Variants in TMEM132D observed in about 807,000 individuals in gnomAD.
TMEM132D encodes the protein transmembrane protein 132D.
TMEM132D carries 21 observed loss-of-function variants against 62.3 expected under a neutral mutation model. The observed-to-expected ratio is 0.34, with a 90% CI of 0.24 to 0.49. The LOEUF (loss-of-function observed/expected upper bound fraction) is 0.49, where lower values mean the gene tolerates loss of function less well. Among genes scored for constraint, TMEM132D ranks in the 20% least tolerant of loss-of-function variants. The pLI, the probability that TMEM132D is intolerant of heterozygous loss-of-function variation, is 0.99. For synonymous variants in TMEM132D, 621 were observed against 575.6 expected (o/e 1.08, Z -1.13); for missense variants, 1,346 against 1,402.8 (o/e 0.96, Z 0.65).
rs530080115 is a variant in TMEM132D at position 129,827,390 on chromosome 12, A to G, written c.79+75871T>C. Among the ~76,000 whole-genome samples the G allele has an allele frequency of 2.9e-4, 44 of 152,292 alleles. No individual in the cohort carries two copies. The highest frequency in any genetic ancestry group is 7.9e-4 in the Admixed American group (12 of 15,286). ...GGCAGAACTCTGGAGCACTGGCTAA[A>G]AACTGTAAGCAGCTGAACCAAAACA... is the stretch of plus-strand genomic sequence containing the variant. On this transcript the variant is annotated intron_variant, in intron 1 of 8. Transcript: ENST00000422113. This position sits in a 1 kb window ranked among gnomAD's most constrained non-coding sequence, Gnocchi z 9.7.
intron 5 of TMEM132D, among the ~76,000 whole-genome samples, chr12:129,177,952 G>A (rs1037788558): frequency 5.9e-5 from 9 of 152,100 alleles, no homozygotes; most frequent in African/African-American, 2.2e-4. Flanking sequence ...GCCCCAGTGT[G>A]TGTTGTTCCC....
At chr12:129,107,247 A>G (rs1334501684) in intron 5 of TMEM132D, among the ~76,000 whole-genome samples, 7 of 152,220 alleles carry the variant, frequency 4.6e-5, no homozygotes, top group Non-Finnish European at 8.8e-5. Context: ...ATCAGATATG[A>G]TATCTCCAAT....
intron 1 of TMEM132D, among the ~76,000 whole-genome samples, chr12:129,806,831 G>T (rs962110749): frequency 6.6e-6 from 1 of 152,106 alleles, no homozygotes; most frequent in East Asian, 1.9e-4. Context: ...TTTGAGACCA[G>T]CCTGGGCAAT....
chr12:129,207,147 A>C (rs776248498), intron 5 of TMEM132D, among the ~76,000 whole-genome samples: 13 of 151,726 alleles, frequency 8.6e-5, no homozygotes, highest in Admixed American at 2.0e-4. Context: ...CAAACAAAAA[A>C]CCCCCCACTA....
chr12:129,209,087 C>T (rs1878945919), intron 5 of TMEM132D: 2 of 171,738 alleles, frequency 1.2e-5, no homozygotes, highest in South Asian at 1.6e-4. Context: ...CACCTTATAC[C>T]ACCATTGATT....
chr12:129,290,412 C>T (rs1881417454), intron 4 of TMEM132D, among the ~76,000 whole-genome samples: 2 of 152,120 alleles, frequency 1.3e-5, no homozygotes, highest in South Asian at 4.1e-4. Flanking sequence ...CTACACTATT[C>T]TAATTAACAC....
chr12:129,821,052 C>T lies in TMEM132D; in HGVS notation c.79+82209G>A, dbSNP rs532191544. Among the ~76,000 whole-genome samples the T allele has an allele frequency of 1.3e-3, 204 of 152,292 alleles. 1 individual carries two copies. Among genetic ancestry groups the T allele is most frequent in the Non-Finnish European group, 2.7e-3 (181 of 68,028 alleles). ...CCTCCTCCTTTCTCCTATATAAACC[C>T]ATTTTAACAATGGATCTGAAATTAG... is the stretch of plus-strand genomic sequence containing the variant. On this transcript the variant is annotated intron_variant, in intron 1 of 8. Coordinates refer to ENST00000422113, the MANE Select transcript of TMEM132D (RefSeq NM_133448.3).
intron 1 of TMEM132D, among the ~76,000 whole-genome samples, chr12:129,884,874 G>T (rs1049843525): frequency 1.3e-5 from 2 of 152,136 alleles, no homozygotes; most frequent in African/African-American, 4.8e-5. Flanking sequence ...AACCACTCTG[G>T]TGTCTTTCAG....
At chr12:129,272,590 G>A (rs549081215) in intron 4 of TMEM132D, among the ~76,000 whole-genome samples, 11 of 151,750 alleles carry the variant, frequency 7.2e-5, no homozygotes, top group South Asian at 2.1e-4. Context: ...CACGGATGTC[G>A]TCTTTTGAGA....
intron 5 of TMEM132D, among the ~76,000 whole-genome samples, chr12:129,179,173 G>T (rs941394839): frequency 1.3e-5 from 2 of 152,136 alleles, no homozygotes; most frequent in Non-Finnish European, 2.9e-5. Context: ...TCTCAAAGGA[G>T]GATGGAAAAA....
intron 4 of TMEM132D, among the ~76,000 whole-genome samples, chr12:129,273,377 A>G (rs1880910715): frequency 1.3e-5 from 2 of 149,950 alleles, no homozygotes; most frequent in Admixed American, 6.7e-5. Flanking sequence ...CAGAACTACC[A>G]CTTGCTCCAG....
intron 1 of TMEM132D, among the ~76,000 whole-genome samples, chr12:129,836,435 T>C (rs889321237): frequency 4.6e-5 from 7 of 152,116 alleles, no homozygotes; most frequent in African/African-American, 1.4e-4. Context: ...GCAGAATTGG[T>C]ATTTGTTAAC....
At chr12:129,134,116 T>G (rs200768392) in intron 5 of TMEM132D, among the ~76,000 whole-genome samples, 2 of 144,390 alleles carry the variant, frequency 1.4e-5, no homozygotes, top group African/African-American at 2.7e-5. Context: ...TGTCTGTGTG[T>G]TGTGTGTGTG....
intron 2 of TMEM132D, among the ~76,000 whole-genome samples, chr12:129,660,713 C>T (rs1409668257): frequency 6.6e-6 from 1 of 152,062 alleles, no homozygotes; most frequent in Non-Finnish European, 1.5e-5. Flanking sequence ...ACACCTTGTA[C>T]CAAAATGTAC....
Position 129,408,494 on chromosome 12 carries a change from C to A in TMEM132D, c.1116-70677G>T, listed in dbSNP as rs117686646. Among the ~76,000 whole-genome samples the A allele has an allele frequency of 1.1e-3, 158 of 149,254 alleles. 1 individual carries two copies. In the East Asian group the frequency reaches 0.021, roughly 20 times the overall value. On this transcript the variant is annotated intron_variant, in intron 3 of 8. Transcript: ENST00000422113. ...GAAATGCCAATACTGATGTCTTAAT[C>A]CTTATCCCCTTTAGCAAAGTTGGGG...
At chr12:129,151,746 G>GC (rs1338810035) in intron 5 of TMEM132D, among the ~76,000 whole-genome samples, 1 of 152,098 alleles carries the variant, frequency 6.6e-6, no homozygotes, top group Admixed American at 6.5e-5. Context: ...TCCAGATGTT[G>GC]CCCCCCGTCT....
intron 5 of TMEM132D, among the ~76,000 whole-genome samples, chr12:129,121,978 C>G (rs4964878): frequency 0.95 from 143,954 of 152,208 alleles, 68,392 homozygotes; most frequent in Non-Finnish European, 1. Context: ...TTGAGGGAGA[C>G]GAGATGGATG....
chr12:129,207,827 A>G (rs1878900063), intron 5 of TMEM132D, among the ~76,000 whole-genome samples: 1 of 152,190 alleles, frequency 6.6e-6, no homozygotes, highest in African/African-American at 2.4e-5. Flanking sequence ...TGGCCATTTA[A>G]TACATTCATA....
At chr12:129,129,383 A>G (rs1161094376) in intron 5 of TMEM132D, among the ~76,000 whole-genome samples, 1 of 152,166 alleles carries the variant, frequency 6.6e-6, no homozygotes, top group Non-Finnish European at 1.5e-5. Flanking sequence ...TTCTTTATCC[A>G]ATCCACTGTT....
Sources: allele counts gnomAD v4.1 joint callset (sites outside exome capture counted in the v4.1 genomes callset), GRCh38; gene constraint gnomAD v4.1.1; non-coding constraint Gnocchi (gnomAD v3.1); transcripts MANE v1.5; gene names NCBI Gene and HGNC (gene_info 2026-07-23, HGNC 2026-07-21).